The following MRTFA variants were observed in gnomAD, a reference collection of about 807,000 sequenced individuals.
The protein encoded by MRTFA is myocardin-related transcription factor A.
A neutral mutation model predicts 83.5 loss-of-function variants in MRTFA; 20 were observed. The observed-to-expected ratio is 0.24, with a 90% confidence interval of 0.17 to 0.35. The LOEUF is 0.35. MRTFA is among the 10% of genes least tolerant of loss of function. The pLI, the probability that MRTFA is intolerant of heterozygous loss-of-function variation, is 1.00. For synonymous variants in MRTFA, 659 were observed against 541.2 expected, an observed-to-expected ratio of 1.22 and a Z score of -3.02; for missense variants, 1,200 against 1,224.7, an observed-to-expected ratio of 0.98 and a Z score of 0.30.
intron 3 of MRTFA, among the ~76,000 whole-genome samples, chr22:40,516,412 A>G (rs979912172): frequency 1.0e-4 from 14 of 138,514 alleles, no homozygotes; most frequent in African/African-American, 3.8e-4. Context: ...AGAGCGAGGG[A>G]CTGCCTCAAG....
At chr22:40,522,680 C>T (rs1286900144) in intron 3 of MRTFA, 1 of 152,176 alleles carries the variant, frequency 6.6e-6, no homozygotes, top group African/African-American at 2.4e-5. Flanking sequence ...TGTGCACCAC[C>T]ATGCCTTGCT....
intron 1 of MRTFA, among the ~76,000 whole-genome samples, chr22:40,599,730 C>T (rs2056235231): frequency 6.6e-6 from 1 of 151,850 alleles, no homozygotes; most frequent in Non-Finnish European, 1.5e-5. Context: ...AAAACCCCAT[C>T]GCTACAAAAA....
chr22:40,626,200 G>A (rs2056579977), intron 1 of MRTFA, among the ~76,000 whole-genome samples: 1 of 152,080 alleles, frequency 6.6e-6, no homozygotes, highest in Admixed American at 6.5e-5. Context: ...TGGCAGACTG[G>A]TCTCGAACTG....
intron 3 of MRTFA, among the ~76,000 whole-genome samples, chr22:40,471,578 C>T (rs1335863875): frequency 6.6e-6 from 1 of 152,152 alleles, no homozygotes; most frequent in Non-Finnish European, 1.5e-5. Context: ...ATATATTTCT[C>T]CAAATACTTA....
chr22:40,421,084 G>C lies in MRTFA; in HGVS notation c.944C>G (p.Ser315Cys). 1 of 1,534,412 alleles carries C rather than the reference G, an allele frequency of 6.5e-7. No homozygotes were observed. Among genetic ancestry groups the C allele is most frequent in the Non-Finnish European group, 8.8e-7 (1 of 1,138,684 alleles). ...GCTGCGCTGTGACTTCTCACTGGCA[G>C]ACTTGGGTTGGCTTTGCTGAGGGCA... Residue 315 changes from serine to cysteine, a missense_variant, in exon 10 of 15, where the codon TCT (serine) becomes TGT (cysteine). Ser to Cys is a moderately radical substitution (Grantham distance 112, BLOSUM62 -1). This residue lies in a region of MRTFA where 1,107 missense variants were observed against 1,041.8 expected (regional missense o/e 1.06). Coordinates refer to ENST00000355630, the MANE Select transcript of MRTFA (RefSeq NM_020831.6).
chr22:40,453,648 T>C (rs886889849), intron 4 of MRTFA, among the ~76,000 whole-genome samples: 4 of 152,156 alleles, frequency 2.6e-5, no homozygotes, highest in Admixed American at 2.0e-4. Context: ...AAGTATCCAC[T>C]GAGACTTAAT....
intron 3 of MRTFA, among the ~76,000 whole-genome samples, chr22:40,502,938 G>GGGA (rs1196634482): frequency 6.6e-6 from 1 of 151,972 alleles, no homozygotes; most frequent in African/African-American, 2.4e-5. Flanking sequence ...TTCCTTCCTA[G>GGGA]TGTCACAGAG....
At chr22:40,600,165 T>C (rs761212969) in intron 1 of MRTFA, among the ~76,000 whole-genome samples, 2 of 152,096 alleles carry the variant, frequency 1.3e-5, no homozygotes, top group Non-Finnish European at 2.9e-5. Flanking sequence ...TTAATCTCTC[T>C]CTGCCTGATT....
At chr22:40,557,596 C>A (rs2055543055) in intron 2 of MRTFA, among the ~76,000 whole-genome samples, 1 of 151,662 alleles carries the variant, frequency 6.6e-6, no homozygotes, top group Admixed American at 6.6e-5. Flanking sequence ...CATAGTAAGA[C>A]CCTGTCTCTT....
At chr22:40,425,007 G>A (rs1405976725) in intron 7 of MRTFA, among the ~76,000 whole-genome samples, 1 of 152,226 alleles carries the variant, frequency 6.6e-6, no homozygotes, top group Non-Finnish European at 1.5e-5. Flanking sequence ...TGGAGGTGGT[G>A]TGGTGACCTC....
chr22:40,594,798 G>T (rs1168534763), intron 1 of MRTFA, 63 bp from the exon 2 acceptor site: 1 of 151,322 alleles, frequency 6.6e-6, no homozygotes, highest in Admixed American at 6.6e-5. Flanking sequence ...ATTCCTAAAA[G>T]GCGTTTGGTT....
chr22:40,549,906 A>AT (rs747113578), intron 3 of MRTFA, among the ~76,000 whole-genome samples: 2 of 152,146 alleles, frequency 1.3e-5, no homozygotes, highest in Non-Finnish European at 2.9e-5. Context: ...AAAATTAGCC[A>AT]TTCATGGTGG....
chr22:40,535,820 T>C (rs139206010), intron 3 of MRTFA, among the ~76,000 whole-genome samples: 74 of 152,210 alleles, frequency 4.9e-4, no homozygotes, highest in African/African-American at 1.7e-3. Flanking sequence ...CTGTTCGCCA[T>C]AGAAGAGAGC....
In MRTFA at chr22:40,428,915, G is replaced by A. The variant is rs1006108450; in HGVS notation, c.601+691C>T. Among the ~76,000 whole-genome samples, 6 of 152,158 alleles carry A rather than the reference G, an allele frequency of 3.9e-5. No individual in the cohort carries two copies. The South Asian group carries it at 6.2e-4, about 16-fold the overall frequency. On this transcript the variant is annotated intron_variant, in intron 7 of 14. Coordinates refer to ENST00000355630, the MANE Select transcript of MRTFA (RefSeq NM_020831.6). ...TCCCTCGTCCCACCCTCTCCCACAC[G>A]CTTTCATGAATTCCTACTCATCCTT...
chr22:40,581,384 G>A (rs1455146578), intron 2 of MRTFA, among the ~76,000 whole-genome samples: 1 of 152,084 alleles, frequency 6.6e-6, no homozygotes, highest in Non-Finnish European at 1.5e-5. Context: ...CTGGTTCATA[G>A]GACATTCATC....
chr22:40,586,915 C>G lies in MRTFA; in HGVS notation c.-22+7759G>C, dbSNP rs1351913446. On this transcript the variant is annotated intron_variant, in intron 2 of 14. Coordinates refer to ENST00000355630, the MANE Select transcript of MRTFA (RefSeq NM_020831.6). ...GCTGGTGCTGCTGGTGCTGCTGGTG[C>G]TGGTGCTGGTGCTGCTGCTGCTGCT... The G allele has an allele frequency of 6.9e-6, 3 of 437,938 alleles. No individual in the cohort carries two copies. The East Asian group carries it at 2.2e-4, about 32-fold the overall frequency. The allele number at this position is 437,938 out of a possible 1,614,324, so 27.1% of individuals were successfully genotyped here. A position where few individuals can be genotyped will look rare whatever the true frequency, so the allele number is the denominator to read the frequency against.
chr22:40,464,585 T>A (rs1473964067), intron 3 of MRTFA, among the ~76,000 whole-genome samples: 2 of 151,776 alleles, frequency 1.3e-5, no homozygotes, highest in Admixed American at 6.6e-5. Flanking sequence ...AAGGAAAGCC[T>A]CCTTACATAA....
rs376881633 is a variant in MRTFA at position 40,418,831 on chromosome 22, G to A, written c.1907C>T (p.Ala636Val). 1.7e-4 allele frequency: 267 copies of A among 1,611,364 alleles called. No homozygotes were observed. The highest frequency in any genetic ancestry group is 6.6e-4 in the Middle Eastern group (4 of 6,080). The stretch of plus-strand genomic sequence containing the variant: ...CTTCTGCCGGAGCATGCGCGTCAGC[G>A]CCTCGATCTGCTTGTCTTTCTCCTG... Residue 636 changes from alanine (A) to valine (V), a missense_variant, in exon 12 of 15, where the codon GCG (alanine) becomes GTG (valine). This residue lies in a region of MRTFA where 1,107 missense variants were observed against 1,041.8 expected (regional missense o/e 1.06). Coordinates refer to ENST00000355630, the MANE Select transcript of MRTFA (RefSeq NM_020831.6).
chr22:40,586,252 C>G (rs897841135), intron 2 of MRTFA, among the ~76,000 whole-genome samples: 1 of 145,546 alleles, frequency 6.9e-6, no homozygotes, highest in African/African-American at 2.5e-5. Context: ...CAAACAAATA[C>G]ATCATTTGCT....
Sources: allele counts gnomAD v4.1 joint callset (sites outside exome capture counted in the v4.1 genomes callset), GRCh38; gene constraint gnomAD v4.1.1; regional missense constraint gnomAD v4.1.1; transcripts MANE v1.5; gene names NCBI Gene and HGNC (gene_info 2026-07-23, HGNC 2026-07-21).